Variants in PINX1 observed in about 807,000 individuals in gnomAD.
The protein encoded by PINX1 is PIN2 (TERF1) interacting telomerase inhibitor 1, also known as PIN2/TERF1-interacting telomerase inhibitor 1.
Under a neutral mutation model 25.4 loss-of-function variants are expected in PINX1, and 34 were observed. The observed-to-expected ratio is 1.34, with a 90% CI of 1.02 to 1.78. The LOEUF is 1.78. Among genes scored for constraint, PINX1 ranks in the 40% most tolerant of loss-of-function variants. The pLI, the probability that PINX1 is intolerant of heterozygous loss-of-function variation, is 0.00. For synonymous variants in PINX1, 197 were observed against 147.7 expected, an observed-to-expected ratio of 1.33 and a Z score of -2.42; for missense variants, 592 against 404.9, an observed-to-expected ratio of 1.46 and a Z score of -3.97.
At chr8:10,839,417 T>C (rs1186257626) in intron 1 of PINX1, among the ~76,000 whole-genome samples, 1 of 152,220 alleles carries the variant, frequency 6.6e-6, no homozygotes, top group African/African-American at 2.4e-5. Flanking sequence ...AAGCAACCAG[T>C]CCGGGACCCC....
intron 6 of PINX1, among the ~76,000 whole-genome samples, chr8:10,811,947 G>A (rs1346510229): frequency 2.0e-5 from 3 of 152,188 alleles, no homozygotes; most frequent in African/African-American, 7.2e-5. Context: ...ACTTAGAAGA[G>A]CATGTGGAAT....
intron 6 of PINX1, among the ~76,000 whole-genome samples, chr8:10,772,042 T>C (rs575570347): frequency 4.3e-4 from 65 of 152,372 alleles, no homozygotes; most frequent in Non-Finnish European, 7.5e-4. Context: ...AGCAAGGTAC[T>C]GTGTGGTATG....
At chr8:10,807,981 T>C (rs764647564) in intron 6 of PINX1, among the ~76,000 whole-genome samples, 7 of 152,178 alleles carry the variant, frequency 4.6e-5, no homozygotes, top group Non-Finnish European at 8.8e-5. Context: ...AAGTTTTATA[T>C]TAAGAGGCTA....
chr8:10,777,814 G>C (rs1376763348), intron 6 of PINX1, among the ~76,000 whole-genome samples: 4 of 152,140 alleles, frequency 2.6e-5, no homozygotes, highest in African/African-American at 9.7e-5. Flanking sequence ...TGTGCGACTG[G>C]CTCCTGGGCA....
At chr8:10,827,387 G>A (rs77304020) in intron 4 of PINX1, among the ~76,000 whole-genome samples, 13,375 of 152,090 alleles carry the variant, frequency 0.088, 772 homozygotes, top group Non-Finnish European at 0.13. Flanking sequence ...CGCCTTTGAC[G>A]GAAGGGAAAA....
chr8:10,799,508 C>T (rs1007623389), intron 6 of PINX1, among the ~76,000 whole-genome samples: 14 of 152,298 alleles, frequency 9.2e-5, no homozygotes, highest in African/African-American at 3.4e-4. Flanking sequence ...CCAGTTCATT[C>T]CCCAACACAC....
intron 5 of PINX1, among the ~76,000 whole-genome samples, chr8:10,821,701 T>C (rs1035038944): frequency 6.6e-6 from 1 of 152,168 alleles, no homozygotes; most frequent in African/African-American, 2.4e-5. Flanking sequence ...CACAACCCAT[T>C]TTCCAATGCA....
intron 6 of PINX1, among the ~76,000 whole-genome samples, chr8:10,810,867 T>C (rs1797493529): frequency 1.3e-5 from 2 of 152,232 alleles, no homozygotes; most frequent in Admixed American, 6.5e-5. Flanking sequence ...AGGAGTCACT[T>C]CACTAGAGGA....
At chr8:10,805,155 G>A (rs924777078) in intron 6 of PINX1, among the ~76,000 whole-genome samples, 17 of 152,172 alleles carry the variant, frequency 1.1e-4, no homozygotes, top group African/African-American at 4.1e-4. Context: ...TCTTTCTGTG[G>A]GAAAGGAAAA....
At chr8:10,786,378 CAG>C (rs904689013) in intron 6 of PINX1, among the ~76,000 whole-genome samples, 2 of 152,138 alleles carry the variant, frequency 1.3e-5, no homozygotes, top group African/African-American at 4.8e-5. Flanking sequence ...TCTTGGTAAA[CAG>C]GGGAATGGTG....
At chr8:10,824,395 T>C (rs1456936523) in intron 5 of PINX1, among the ~76,000 whole-genome samples, 2 of 152,202 alleles carry the variant, frequency 1.3e-5, no homozygotes, top group East Asian at 3.8e-4. Flanking sequence ...AGGCCCAGTC[T>C]GCATGTCCTT....
intron 6 of PINX1, among the ~76,000 whole-genome samples, chr8:10,772,532 G>A (rs1390319986): frequency 6.6e-6 from 1 of 152,222 alleles, no homozygotes; most frequent in African/African-American, 2.4e-5. Context: ...CTTTTCAAGT[G>A]TGAAATCTTG....
intron 6 of PINX1, among the ~76,000 whole-genome samples, chr8:10,768,847 T>C (rs989332371): frequency 3.3e-5 from 5 of 152,218 alleles, no homozygotes; most frequent in African/African-American, 1.2e-4. Context: ...AATAGATACA[T>C]CTTTTCAAGA....
intron 6 of PINX1, among the ~76,000 whole-genome samples, chr8:10,789,837 G>A (rs546121824): frequency 1.3e-3 from 195 of 152,270 alleles, no homozygotes; most frequent in Admixed American, 2.7e-3. Flanking sequence ...ATCTCTGGCT[G>A]TTTGGATCAT....
chr8:10,820,108 T>C, intron 6 of PINX1, 85 bp downstream of exon 6: 1 of 843,772 alleles, frequency 1.2e-6, no homozygotes, highest in Non-Finnish European at 2.0e-6. Flanking sequence ...AGAAAAGTAC[T>C]AGTCATAGAT....
At chr8:10,800,679 A>C (rs1802238540) in intron 6 of PINX1, among the ~76,000 whole-genome samples, 1 of 152,138 alleles carries the variant, frequency 6.6e-6, no homozygotes. Flanking sequence ...CACATTGGCC[A>C]GGCTGGTCTT....
chr8:10,795,750 T>C (rs1248353912), intron 6 of PINX1, among the ~76,000 whole-genome samples: 1 of 152,186 alleles, frequency 6.6e-6, no homozygotes, highest in Non-Finnish European at 1.5e-5. Context: ...CTGTATTACC[T>C]AAATAGGTAA....
At chr8:10,782,914 T>C (rs1801633184) in intron 6 of PINX1, among the ~76,000 whole-genome samples, 1 of 152,166 alleles carries the variant, frequency 6.6e-6, no homozygotes, top group Non-Finnish European at 1.5e-5. Context: ...CATTTGGAAA[T>C]TGCTAAATAA....
intron 6 of PINX1, among the ~76,000 whole-genome samples, chr8:10,812,385 C>T (rs1797549541): frequency 6.6e-6 from 1 of 152,190 alleles, no homozygotes; most frequent in Non-Finnish European, 1.5e-5. Context: ...GTTCTCTTTA[C>T]TCCAGAATGA....
Sources: allele counts gnomAD v4.1 joint callset (sites outside exome capture counted in the v4.1 genomes callset), GRCh38; gene constraint gnomAD v4.1.1; transcripts MANE v1.5; gene names NCBI Gene and HGNC (gene_info 2026-07-23, HGNC 2026-07-21).